Variants in GAR1 observed in about 807,000 individuals in gnomAD.
GAR1 encodes the protein GAR1 ribonucleoprotein.
In GAR1, 11 loss-of-function variants were observed where a neutral mutation model predicts 29.3. The ratio of observed to expected loss-of-function variants is 0.38; its 90% confidence interval spans 0.24 to 0.62. The LOEUF (loss-of-function observed/expected upper bound fraction) is 0.62. GAR1 is among the 20% of genes least tolerant of loss of function. GAR1 has a pLI of 0.62. For missense variants in GAR1, 237 were observed against 268.4 expected (o/e 0.88, Z 0.82); for synonymous variants, 87 against 93.3 (o/e 0.93, Z 0.39).
Position 109,824,549 on chromosome 4 carries a change from A to G in GAR1, c.*118A>G. On this transcript the variant is annotated 3_prime_UTR_variant, in exon 7 of 7. Coordinates refer to ENST00000226796, the MANE Select transcript of GAR1 (RefSeq NM_018983.4). ...TCTTGAAGATCTTGGTCATTTTATGACAATGGATCTAAAATGTCAGCATCA... is the reference window on the plus strand; with the variant it reads ...TCTTGAAGATCTTGGTCATTTTATGGCAATGGATCTAAAATGTCAGCATCA... The G allele has an allele frequency of 2.5e-6, 2 of 791,248 alleles. No homozygotes were observed. The highest frequency in any genetic ancestry group is 2.2e-6 in the Non-Finnish European group (1 of 451,438). 49.0% of individuals were successfully genotyped at this position (791,248 alleles called of 1,614,324 possible).
chr4:109,819,263 C>A, intron 4 of GAR1: 1 of 565,838 alleles, frequency 1.8e-6, no homozygotes, highest in Non-Finnish European at 3.1e-6. Flanking sequence ...GTAAAAATTA[C>A]AACTTTTGCT....
intron 1 of GAR1, 145 bp downstream of exon 1, chr4:109,815,949 G>T: frequency 1.6e-6 from 1 of 623,360 alleles, no homozygotes. Context: ...GGCAAGGGTG[G>T]TGTGTGGTCG....
chr4:109,818,083 G>C lies in GAR1; in HGVS notation c.362G>C (p.Arg121Thr). 1 of 1,597,928 alleles carries C rather than the reference G, an allele frequency of 6.3e-7. No individual in the cohort carries two copies. Among genetic ancestry groups the C allele is most frequent in the East Asian group, 2.2e-5 (1 of 44,720 alleles). The change falls in exon 3 of 7, where the codon AGA (arginine) becomes ACA (threonine). Residue 121 changes from arginine to threonine, a missense_variant. Physicochemically the swap from Arg to Thr is moderately conservative, Grantham distance 71. Coordinates refer to ENST00000226796, the MANE Select transcript of GAR1 (RefSeq NM_018983.4). ...GKVDEIFGQL[R>T]DFYFSVKLSE... ...GTGGATGAAATATTTGGACAACTCA[G>C]AGATTTTGTATCCTTTTTCATTGGA...
intron 2 of GAR1, 32 bp from the exon 3 acceptor site, chr4:109,817,904 C>G (rs1733397648): frequency 6.4e-7 from 1 of 1,570,388 alleles, no homozygotes; most frequent in Admixed American, 1.9e-5. Flanking sequence ...TGAAATAGTT[C>G]TATGTTTTAA....
chr4:109,816,053 T>G, intron 1 of GAR1, 100 bp from the exon 2 acceptor site: 4 of 1,160,168 alleles, frequency 3.4e-6, no homozygotes, highest in Non-Finnish European at 5.1e-6. Context: ...ACAGGGCTGC[T>G]TTTGTCTCCT....
intron 5 of GAR1, among the ~76,000 whole-genome samples, chr4:109,822,721 T>C (rs542938937): frequency 6.6e-6 from 1 of 152,230 alleles, no homozygotes; most frequent in South Asian, 2.1e-4. Context: ...CTTTGGGTTA[T>C]TCATGTTTTC....
chr4:109,817,603 G>T (rs1733387967), intron 2 of GAR1, among the ~76,000 whole-genome samples: 1 of 152,204 alleles, frequency 6.6e-6, no homozygotes, highest in Non-Finnish European at 1.5e-5. Flanking sequence ...GTGTCAGTGT[G>T]CCAGGCACTG....
At position 109,822,455 on chromosome 4, in the gene GAR1, A is replaced by AG; in HGVS notation, c.539dup (p.Gly181ArgfsTer14). Reference sequence around the variant, plus strand: ...TGGCAGGGGAGGCCGAGGAGGAGGAAGAGGAGGAGGTGGCAGAGGTGGTGG... The same window carrying AG: ...TGGCAGGGGAGGCCGAGGAGGAGGAAGGAGGAGGAGGTGGCAGAGGTGGTGG... On this transcript the variant is annotated frameshift_variant, in exon 5 of 7. Coordinates refer to ENST00000226796, the MANE Select transcript of GAR1 (RefSeq NM_018983.4). LOFTEE classifies it high-confidence loss of function. The AG allele has an allele frequency of 1.2e-6, 2 of 1,604,242 alleles. No homozygotes were observed. The highest frequency in any genetic ancestry group is 1.7e-6 in the Non-Finnish European group (2 of 1,172,712).
intron 4 of GAR1, 149 bp from the exon 5 acceptor site, chr4:109,822,198 A>C (rs1733533742): frequency 4.0e-6 from 2 of 505,662 alleles, no homozygotes; most frequent in Non-Finnish European, 3.4e-6. Flanking sequence ...AGTTAGTAAG[A>C]AATTAAGTCT....
Position 109,824,692 on chromosome 4 carries a change from T to C in GAR1, c.*261T>C, listed in dbSNP as rs1579355901. 1 of 373,362 alleles carries C rather than the reference T, an allele frequency of 2.7e-6. No homozygotes were observed. The highest frequency in any genetic ancestry group is 4.8e-6 in the Non-Finnish European group (1 of 207,694). The allele number at this position is 373,362 out of a possible 1,614,324, so 23.1% of individuals were successfully genotyped here. On this transcript the variant is annotated 3_prime_UTR_variant, in exon 7 of 7. Transcript: ENST00000226796. Reference sequence around the variant, plus strand: ...TCAATAAATGGATAGGAGTTTTCATTTGAAGCATATTTGAATTTTTAAAAT... The same window carrying C: ...TCAATAAATGGATAGGAGTTTTCATCTGAAGCATATTTGAATTTTTAAAAT...
chr4:109,818,499 TTC>T (rs1393964181), intron 3 of GAR1, among the ~76,000 whole-genome samples: 1 of 151,438 alleles, frequency 6.6e-6, no homozygotes, highest in Admixed American at 6.6e-5. Context: ...CTCTCTTTCT[TTC>T]TCTCTCTTGC....
chr4:109,819,111 C>T, intron 4 of GAR1, 51 bp downstream of exon 4: 1 of 936,756 alleles, frequency 1.1e-6, no homozygotes, highest in Non-Finnish European at 1.8e-6. Flanking sequence ...AGGGAACGAC[C>T]TATCTTAGGA....
intron 5 of GAR1, among the ~76,000 whole-genome samples, chr4:109,822,794 T>C (rs1733548321): frequency 6.6e-6 from 1 of 152,224 alleles, no homozygotes; most frequent in African/African-American, 2.4e-5. Context: ...TATTATTGAG[T>C]GTAGACTGCA....
At chr4:109,818,889 C>G in intron 3 of GAR1, 112 bp from the exon 4 acceptor site, 1 of 631,468 alleles carries the variant, frequency 1.6e-6, no homozygotes, top group East Asian at 2.7e-5. Context: ...TCTTATCTTT[C>G]CTATATATAT....
Position 109,822,155 on chromosome 4 carries a change from T to TAAAAAA in GAR1, c.430-173_430-168dup, listed in dbSNP as rs59097048. ...TGCACATGTATCCCAGAACTTAAGG[T>TAAAAAA]AAAAAAAAAAAAAAAAAAAAAAAAG... On this transcript the variant is annotated intron_variant, in intron 4 of 6. Coordinates refer to ENST00000226796, the MANE Select transcript of GAR1 (RefSeq NM_018983.4). Among the ~76,000 whole-genome samples, 63 of 101,600 alleles carry TAAAAAA rather than the reference T, an allele frequency of 6.2e-4. 1 individual carries two copies. The highest frequency in any genetic ancestry group is 8.5e-4 in the African/African-American group (23 of 26,970). The allele number at this position is 101,600 out of a possible 152,430, so 66.7% of individuals were successfully genotyped here. A position where few individuals can be genotyped will look rare whatever the true frequency, so the allele number is the denominator to read the frequency against.
intron 1 of GAR1, 161 bp from the exon 2 acceptor site, chr4:109,815,990 ACT>A: frequency 1.4e-6 from 1 of 714,266 alleles, no homozygotes; most frequent in Non-Finnish European, 2.4e-6. Context: ...GGAGAAGTAA[ACT>A]CTTCACCCAT....
intron 2 of GAR1, 97 bp downstream of exon 2, chr4:109,816,475 GGA>G (rs1733356449): frequency 4.4e-6 from 5 of 1,141,260 alleles, no homozygotes; most frequent in Non-Finnish European, 6.5e-6. Context: ...AAGCCTGTGT[GGA>G]GAATGTAGCA....
chr4:109,820,792 A>G (rs1733493115), intron 4 of GAR1, among the ~76,000 whole-genome samples: 1 of 152,144 alleles, frequency 6.6e-6, no homozygotes, highest in Non-Finnish European at 1.5e-5. Context: ...TGTTGTCAGC[A>G]TATGGCTACT....
chr4:109,817,031 T>TA (rs1484207035), intron 2 of GAR1, among the ~76,000 whole-genome samples: 2 of 152,214 alleles, frequency 1.3e-5, no homozygotes, highest in Non-Finnish European at 2.9e-5. Flanking sequence ...AAGTGAAACT[T>TA]ACTACATTAA....
Sources: allele counts gnomAD v4.1 joint callset (sites outside exome capture counted in the v4.1 genomes callset), GRCh38; gene constraint gnomAD v4.1.1; transcripts MANE v1.5; gene names NCBI Gene and HGNC (gene_info 2026-07-23, HGNC 2026-07-21).